The following PHACTR2 variants were observed in gnomAD, a reference collection of about 807,000 sequenced individuals.
PHACTR2 encodes phosphatase and actin regulator 2, also known as chromosome 6 open reading frame 56.
Under a neutral mutation model 76.0 loss-of-function variants are expected in PHACTR2, and 30 were observed. The ratio of observed to expected loss-of-function variants is 0.39; its 90% CI spans 0.30 to 0.54. The LOEUF is 0.54. Ranked by LOEUF, PHACTR2 falls within the 20% of genes least tolerant of loss-of-function variation. PHACTR2 has a pLI of 0.61. For missense variants in PHACTR2, 696 were observed against 781.1 expected, an observed-to-expected ratio of 0.89 and a Z score of 1.30; for synonymous variants, 292 against 292.5, an observed-to-expected ratio of 1.00 and a Z score of 0.02.
chr6:143,628,946 T>TAG lies in PHACTR2; in HGVS notation c.13+20625_13+20626insGA, dbSNP rs1776310482. On this transcript the variant is annotated intron_variant, in intron 1 of 11. Transcript: ENST00000305766. The stretch of plus-strand genomic sequence containing the variant: ...GGAGATATATATATATATATATATA[T>TAG]ATATATATATATATATATATATATA... 1.1e-4 allele frequency among the ~76,000 whole-genome samples: 5 copies of TAG among 46,924 alleles called. No homozygotes were observed. The South Asian group carries it at 2.7e-3, about 25-fold the overall frequency. The allele number at this position is 46,924 out of a possible 152,430, so 30.8% of individuals were successfully genotyped here.
chr6:143,581,931 A>T lies in PHACTR2; in HGVS notation c.217+44724A>T, dbSNP rs1381139213. On this transcript the variant is annotated intron_variant, in intron 1 of 11. Coordinates refer to the PHACTR2 transcript ENST00000367584. This position sits in a 1 kb window ranked among gnomAD's most constrained non-coding sequence, Gnocchi z 4.5. Reference sequence around the variant, plus strand: ...TGCAGTTATACATGGGGATGGCAAAAGGCAGAATCCTGGGCATTGGCATGA... The same window carrying T: ...TGCAGTTATACATGGGGATGGCAAATGGCAGAATCCTGGGCATTGGCATGA... Among the ~76,000 whole-genome samples the T allele has an allele frequency of 6.6e-6, 1 of 152,194 alleles. No individual in the cohort carries two copies. The highest frequency in any genetic ancestry group is 1.9e-4 in the East Asian group (1 of 5,192).
Position 143,542,986 on chromosome 6 carries a change from T to A in PHACTR2, c.217+5779T>A, listed in dbSNP as rs117569805. Among the ~76,000 whole-genome samples the A allele has an allele frequency of 2.0e-5, 3 of 152,354 alleles. No individual in the cohort carries two copies. The East Asian group carries it at 5.8e-4, about 29-fold the overall frequency. ...TTATTGATTACTGCTATGTGCCAGG[T>A]ACTGTTCCAGGCACTGGGCATACAA... On this transcript the variant is annotated intron_variant, in intron 1 of 11. Transcript: ENST00000367584.
In PHACTR2 at chr6:143,591,212, T is replaced by C. The variant is rs949030909; in HGVS notation, c.217+54005T>C. Among the ~76,000 whole-genome samples, 2 of 152,064 alleles carry C rather than the reference T, an allele frequency of 1.3e-5. No homozygotes were observed. The highest frequency in any genetic ancestry group is 2.9e-5 in the Non-Finnish European group (2 of 68,020). On this transcript the variant is annotated intron_variant, in intron 1 of 11. Transcript: ENST00000367584. The surrounding 1 kb of genome is among the most constrained non-coding windows in gnomAD (Gnocchi z 6.4). ...TGACAGAGCTGAAGGCAGAGAACAA[T>C]GAAGTCAGCTCCTGACTTTTGAATT...
At chr6:143,567,380 T>TTTTA (rs952281840) in intron 1 of PHACTR2, among the ~76,000 whole-genome samples, 7 of 152,148 alleles carry the variant, frequency 4.6e-5, no homozygotes, top group African/African-American at 9.6e-5. Flanking sequence ...ATTTATTGAC[T>TTTTA]TTTATTTATT....
Position 143,624,533 on chromosome 6 carries a change from A to T in PHACTR2, c.13+16211A>T, listed in dbSNP as rs1776220792. Among the ~76,000 whole-genome samples, 1 of 152,222 alleles carries T rather than the reference A, an allele frequency of 6.6e-6. No homozygotes were observed. The highest frequency in any genetic ancestry group is 1.5e-5 in the Non-Finnish European group (1 of 68,026). Reference sequence around the variant, plus strand: ...CCTTCCTAAATTGAGGACAGACTTGAGGCCAAAATCAGCAATTTGGGATTA... The same window carrying T: ...CCTTCCTAAATTGAGGACAGACTTGTGGCCAAAATCAGCAATTTGGGATTA... On this transcript the variant is annotated intron_variant, in intron 1 of 11. Coordinates refer to the PHACTR2 transcript ENST00000305766. This position sits in a 1 kb window ranked among gnomAD's most constrained non-coding sequence, Gnocchi z 4.6.
At position 143,765,628 on chromosome 6, in the gene PHACTR2, G is replaced by C; in HGVS notation, c.1062G>C (p.Glu354Asp). The C allele has an allele frequency of 6.2e-7, 1 of 1,614,110 alleles. No homozygotes were observed. Among genetic ancestry groups the C allele is most frequent in the Non-Finnish European group, 8.5e-7 (1 of 1,180,028 alleles). ...CTCTGGCCCCCCCTCTCCCTCTTGA[G>C]GATCAGTGCATTACTGCCTCAGACA... ...PSPLAPPLPL[E>D]DQCITASDTP... Residue 354 changes from glutamate (E) to aspartate (D), a missense_variant, in exon 6 of 13, where the codon GAG becomes GAC. Glu to Asp is a conservative substitution (Grantham distance 45). This residue lies in a region of PHACTR2 where 460 missense variants were observed against 450.9 expected (regional missense o/e 1.02). Coordinates refer to ENST00000440869, the MANE Select transcript of PHACTR2 (RefSeq NM_001100164.2). The surrounding 1 kb of genome is among the most constrained non-coding windows in gnomAD (Gnocchi z 4.1).
chr6:143,545,282 A>G (rs1361073246), intron 1 of PHACTR2, among the ~76,000 whole-genome samples: 5 of 152,196 alleles, frequency 3.3e-5, no homozygotes, highest in Non-Finnish European at 7.3e-5. Flanking sequence ...TGAGATCATT[A>G]GAACTTCCTT....
chr6:143,547,908 C>CT lies in PHACTR2; in HGVS notation c.217+10701_217+10702insT, dbSNP rs1775032842. On this transcript the variant is annotated intron_variant, in intron 1 of 11. Transcript: ENST00000367584. The surrounding 1 kb of genome is among the most constrained non-coding windows in gnomAD (Gnocchi z 4.2). ...CGTATGTATCTATCTATCTATCTAT[C>CT]ATCTATCTATCCATCTATCCATTCA... Among the ~76,000 whole-genome samples the CT allele has an allele frequency of 6.6e-6, 1 of 152,068 alleles. No individual in the cohort carries two copies. The highest frequency in any genetic ancestry group is 2.4e-5 in the African/African-American group (1 of 41,368).
rs1444486869 is a variant in PHACTR2 at position 143,757,527 on chromosome 6, A to C, written c.455-2874A>C. 6.6e-6 allele frequency among the ~76,000 whole-genome samples: 1 copy of C among 152,218 alleles called. No homozygotes were observed. Among genetic ancestry groups the C allele is most frequent in the Admixed American group, 6.5e-5 (1 of 15,284 alleles). On this transcript the variant is annotated intron_variant, in intron 4 of 12. Transcript: ENST00000440869. This position sits in a 1 kb window ranked among gnomAD's most constrained non-coding sequence, Gnocchi z 4.2. ...GCTTGTTCTAAGTATCGTTGACCTC[A>C]AACCTTCCAGGGCTCAAAGGAGCCA...
At chr6:143,805,308 T>A (rs1279517555) in intron 11 of PHACTR2, among the ~76,000 whole-genome samples, 2 of 151,536 alleles carry the variant, frequency 1.3e-5, no homozygotes, top group East Asian at 3.9e-4. Flanking sequence ...TGAAACCTCG[T>A]CTCTACTAAA....
At chr6:143,538,999 T>C (rs1298574195) in intron 1 of PHACTR2, among the ~76,000 whole-genome samples, 1 of 152,244 alleles carries the variant, frequency 6.6e-6, no homozygotes, top group Non-Finnish European at 1.5e-5. Flanking sequence ...AGATTAACTG[T>C]TCAGAGACTC....
At position 143,537,151 on chromosome 6, in the gene PHACTR2, A is replaced by G; in HGVS notation, c.161A>G (p.Asp54Gly). Residue 54 changes from aspartate to glycine, a missense_variant, in exon 1 of 12, where the codon GAC becomes GGC. Physicochemically the swap from Asp to Gly is moderately conservative, Grantham distance 94. Transcript: ENST00000367584. The surrounding 1 kb of genome is among the most constrained non-coding windows in gnomAD (Gnocchi z 4.4). ...AGCCCCCGCGGCCGCTCACAGAGCGACCTCTCGTCGTCCTCGAGCAGGGGC... is the reference window on the plus strand; with the variant it reads ...AGCCCCCGCGGCCGCTCACAGAGCGGCCTCTCGTCGTCCTCGAGCAGGGGC... 3.0e-6 allele frequency: 1 copy of G among 333,546 alleles called. No homozygotes were observed. The highest frequency in any genetic ancestry group is 3.3e-5 in the South Asian group (1 of 30,266). The allele number at this position is 333,546 out of a possible 1,614,324, so 20.7% of individuals were successfully genotyped here. A position where few individuals can be genotyped will look rare whatever the true frequency, so the allele number is the denominator to read the frequency against.
chr6:143,737,760 A>C (rs1435857544), intron 2 of PHACTR2, among the ~76,000 whole-genome samples: 1 of 152,166 alleles, frequency 6.6e-6, no homozygotes, highest in African/African-American at 2.4e-5. Context: ...CCATTTTCCT[A>C]TCACTGCAGG....
In PHACTR2 at chr6:143,589,495, C is replaced by T. The variant is rs144421219; in HGVS notation, c.217+52288C>T. 1.3e-4 allele frequency among the ~76,000 whole-genome samples: 20 copies of T among 152,236 alleles called. No homozygotes were observed. Among genetic ancestry groups the T allele is most frequent in the African/African-American group, 4.8e-4 (20 of 41,526 alleles). On this transcript the variant is annotated intron_variant, in intron 1 of 11. Coordinates refer to the PHACTR2 transcript ENST00000367584. The surrounding 1 kb of genome is among the most constrained non-coding windows in gnomAD (Gnocchi z 4.4). ...CCTGTGGAACCATGAGCCAAGGAAA[C>T]CTTTTTTCTTTATTAATTACTCAGT...
chr6:143,708,272 TA>T lies in PHACTR2; in HGVS notation c.47-3743del, dbSNP rs754161125. Among the ~76,000 whole-genome samples, 3 of 152,236 alleles carry T rather than the reference TA, an allele frequency of 2.0e-5. No individual in the cohort carries two copies. Among genetic ancestry groups the T allele is most frequent in the African/African-American group, 4.8e-5 (2 of 41,468 alleles). ...AATTGGTGTTGTGGGGAAATTCTGT[TA>T]GGGGTGGGCTTGTTTCAGTGGGAAG... On this transcript the variant is annotated intron_variant, in intron 1 of 12. Transcript: ENST00000440869. This position sits in a 1 kb window ranked among gnomAD's most constrained non-coding sequence, Gnocchi z 5.5.
rs1279047929 is a variant in PHACTR2, at chr6:143,672,583, A to C, written c.14-39433A>C. Among the ~76,000 whole-genome samples, 1 of 152,242 alleles carries C rather than the reference A, an allele frequency of 6.6e-6. No individual in the cohort carries two copies. The highest frequency in any genetic ancestry group is 1.5e-5 in the Non-Finnish European group (1 of 68,040). ...AGGAAGCACTTCACAATCTTAGGGC[A>C]CCTTCAGAATGAATGAGCACCTCTG... On this transcript the variant is annotated intron_variant, in intron 1 of 11. Coordinates refer to the PHACTR2 transcript ENST00000305766. The surrounding 1 kb of genome is among the most constrained non-coding windows in gnomAD (Gnocchi z 5.8).
Position 143,803,972 on chromosome 6 carries a change from G to A in PHACTR2, c.1846-3085G>A, listed in dbSNP as rs1331040347. 1.3e-5 allele frequency among the ~76,000 whole-genome samples: 2 copies of A among 152,210 alleles called. No homozygotes were observed. The highest frequency in any genetic ancestry group is 2.4e-5 in the African/African-American group (1 of 41,458). The stretch of plus-strand genomic sequence containing the variant: ...TGCGCATCTCTCTCTAGCAAGTCAT[G>A]TGACCTCTCTAGGCCTCCATTGCAT... On this transcript the variant is annotated intron_variant, in intron 11 of 12. Coordinates refer to ENST00000440869, the MANE Select transcript of PHACTR2 (RefSeq NM_001100164.2). This position sits in a 1 kb window ranked among gnomAD's most constrained non-coding sequence, Gnocchi z 4.7.
chr6:143,712,081 C>A lies in PHACTR2; in HGVS notation c.112C>A (p.Pro38Thr). 6.3e-7 allele frequency: 1 copy of A among 1,597,054 alleles called. No homozygotes were observed. The highest frequency in any genetic ancestry group is 8.5e-7 in the Non-Finnish European group (1 of 1,173,812). The change falls in exon 2 of 13, where the codon CCC (proline) becomes ACC (threonine). Residue 38 changes from proline (P) to threonine (T), a missense_variant. By Grantham distance (38) the Pro-to-Thr change is conservative (BLOSUM62 -1). Coordinates refer to ENST00000440869, the MANE Select transcript of PHACTR2 (RefSeq NM_001100164.2). ...DGPTAGSQTP[P>T]FKRKGKLSTI... Reference sequence around the variant, plus strand: ...CCCCACAGCAGGTTCCCAAACACCTCCCTTCAAAAGAAAGGGGAAACTATC... The same window carrying A: ...CCCCACAGCAGGTTCCCAAACACCTACCTTCAAAAGAAAGGGGAAACTATC...
upstream of PHACTR2, among the ~76,000 whole-genome samples, chr6:143,673,246 T>C (rs914275195): frequency 6.6e-6 from 1 of 152,190 alleles, no homozygotes; most frequent in Non-Finnish European, 1.5e-5. Flanking sequence ...AAAGAAAATT[T>C]ACAGTCACAG....
Sources: allele counts gnomAD v4.1 joint callset (sites outside exome capture counted in the v4.1 genomes callset), GRCh38; gene constraint gnomAD v4.1.1; regional missense constraint gnomAD v4.1.1; non-coding constraint Gnocchi (gnomAD v3.1); transcripts MANE v1.5; gene names NCBI Gene and HGNC (gene_info 2026-07-23, HGNC 2026-07-21).